ITGA2: variants seen among roughly 807,000 people sequenced by gnomAD.
ITGA2 encodes the protein integrin subunit alpha 2.
Under a neutral mutation model 146.3 loss-of-function variants are expected in ITGA2, and 101 were observed. The ratio of observed to expected loss-of-function variants is 0.69; its 90% CI spans 0.59 to 0.81. ITGA2 has a LOEUF of 0.81. ITGA2 is among the 40% of genes least tolerant of loss of function. The pLI is 0.00. For synonymous variants in ITGA2, 477 were observed against 487.1 expected (o/e 0.98, Z 0.27); for missense variants, 1,281 against 1,402.7 (o/e 0.91, Z 1.39).
At position 53,094,476 on chromosome 5, in the gene ITGA2, T is replaced by G. The variant is rs1740601415; in HGVS notation, c.*3877T>G. 1 of 152,204 alleles carries G rather than the reference T, an allele frequency of 6.6e-6. No individual in the cohort carries two copies. Among genetic ancestry groups the G allele is most frequent in the Non-Finnish European group, 1.5e-5 (1 of 68,024 alleles). The allele number at this position is 152,204 out of a possible 1,614,324, so 9.4% of individuals were successfully genotyped here. A position where few individuals can be genotyped will look rare whatever the true frequency, so the allele number is the denominator to read the frequency against. On this transcript the variant is annotated 3_prime_UTR_variant, in exon 30 of 30. Coordinates refer to ENST00000296585, the MANE Select transcript of ITGA2 (RefSeq NM_002203.4). Reference sequence around the variant, plus strand: ...AAAGAAATTGTCTTGGATATTTTCCTTTATACATAATAGATAAGTCTTTTT... The same window carrying G: ...AAAGAAATTGTCTTGGATATTTTCCGTTATACATAATAGATAAGTCTTTTT...
intron 1 of ITGA2, among the ~76,000 whole-genome samples, chr5:53,001,289 G>A (rs951602060): frequency 3.3e-5 from 5 of 152,156 alleles, no homozygotes; most frequent in African/African-American, 1.2e-4. Context: ...TATCTGAGGT[G>A]CGATTATTGC....
chr5:53,042,165 T>C lies in ITGA2; in HGVS notation c.239T>C (p.Val80Ala). 6.2e-7 allele frequency: 1 copy of C among 1,613,524 alleles called. No homozygotes were observed. Among genetic ancestry groups the C allele is most frequent in the Non-Finnish European group, 8.5e-7 (1 of 1,179,486 alleles). ...SGFPENRMGDVYKCPVDLSTA... is the reference protein window; with the variant it reads ...SGFPENRMGDAYKCPVDLSTA... Reference sequence around the variant, plus strand: ...TTTCCTGAGAACCGAATGGGAGATGTGTATAAATGTCCTGTTGACCTATCC... The same window carrying C: ...TTTCCTGAGAACCGAATGGGAGATGCGTATAAATGTCCTGTTGACCTATCC... The change falls in exon 3 of 30, where the codon GTG becomes GCG. Residue 80 changes from valine (V) to alanine (A), a missense_variant. Transcript: ENST00000296585.
At chr5:53,024,500 G>C (rs1212197054) in intron 1 of ITGA2, among the ~76,000 whole-genome samples, 1 of 152,048 alleles carries the variant, frequency 6.6e-6, no homozygotes, top group Non-Finnish European at 1.5e-5. Context: ...AAGAAACAAG[G>C]TTTGACTTCT....
chr5:52,997,512 G>T (rs2111675698), intron 1 of ITGA2, among the ~76,000 whole-genome samples: 1 of 152,330 alleles, frequency 6.6e-6, no homozygotes, highest in East Asian at 1.9e-4. Flanking sequence ...CAGTGCAAGA[G>T]ATTACTTCAT....
intron 19 of ITGA2, 65 bp from the exon 20 acceptor site, chr5:53,073,053 T>G (rs1745472173): frequency 1.9e-6 from 3 of 1,542,366 alleles, no homozygotes; most frequent in African/African-American, 2.7e-5. Context: ...TGAGTGAAAT[T>G]TTAAAATACT....
intron 2 of ITGA2, among the ~76,000 whole-genome samples, chr5:53,031,665 A>C (rs1743229691): frequency 6.6e-6 from 1 of 152,220 alleles, no homozygotes; most frequent in African/African-American, 2.4e-5. Flanking sequence ...CAGTGGTGAC[A>C]TGGCTTTGAT....
At chr5:53,030,769 A>G (rs1743186493) in intron 2 of ITGA2, among the ~76,000 whole-genome samples, 2 of 152,268 alleles carry the variant, frequency 1.3e-5, no homozygotes, top group Non-Finnish European at 1.5e-5. Flanking sequence ...TTTGAATAAT[A>G]TAGAAGACAT....
At chr5:53,061,141 G>A in intron 12 of ITGA2, 95 bp downstream of exon 12, 2 of 1,178,550 alleles carry the variant, frequency 1.7e-6, no homozygotes, top group South Asian at 1.2e-5. Context: ...CATGGCCTGA[G>A]TGCCTACTCT....
At chr5:53,081,287 A>G (rs1745904888) in intron 25 of ITGA2, among the ~76,000 whole-genome samples, 1 of 152,214 alleles carries the variant, frequency 6.6e-6, no homozygotes, top group African/African-American at 2.4e-5. Flanking sequence ...CAGAAAAATC[A>G]AAATCCTAAA....
At chr5:53,051,959 C>G (rs772218727) in intron 7 of ITGA2, among the ~76,000 whole-genome samples, 1 of 151,988 alleles carries the variant, frequency 6.6e-6, no homozygotes, top group Non-Finnish European at 1.5e-5. Flanking sequence ...CTTAAACATA[C>G]GAGTTTAAGT....
In ITGA2 at chr5:53,090,056, A is replaced by G. The variant is rs1335399761; in HGVS notation, c.3459A>G (p.Leu1153=). The part of the protein sequence containing the change: ...ILLLLALVAI[L]WKLGFFKRKY... ...TGCTGTTAGCTCTGGTTGCAATTTT[A>G]TGGAAGGTAAGAAAAGCTTTATATT... The change falls in exon 29 of 30, where the codon TTA becomes TTG. Residue 1153 remains leucine (L), a synonymous_variant. Coordinates refer to ENST00000296585, the MANE Select transcript of ITGA2 (RefSeq NM_002203.4). 4 of 1,582,028 alleles carry G rather than the reference A, an allele frequency of 2.5e-6. No homozygotes were observed. The African/African-American group carries it at 4.0e-5, about 16-fold the overall frequency.
chr5:53,079,056 C>G (rs985537994), intron 24 of ITGA2, among the ~76,000 whole-genome samples, 182 bp downstream of exon 24: 6 of 152,132 alleles, frequency 3.9e-5, no homozygotes, highest in African/African-American at 1.4e-4. Flanking sequence ...TTATCTCCAG[C>G]GTTTCTGATT....
In ITGA2 at chr5:53,093,308, A is replaced by T. The variant is rs1180232742; in HGVS notation, c.*2709A>T. The stretch of plus-strand genomic sequence containing the variant: ...GCCTTAGGTAATCAGCCTAGTTTAC[A>T]CTGTTTCCAGGGAGTAGTTGAATTA... On this transcript the variant is annotated 3_prime_UTR_variant, in exon 30 of 30. Coordinates refer to ENST00000296585, the MANE Select transcript of ITGA2 (RefSeq NM_002203.4). 3 of 152,164 alleles carry T rather than the reference A, an allele frequency of 2.0e-5. No homozygotes were observed. Among genetic ancestry groups the T allele is most frequent in the African/African-American group, 7.2e-5 (3 of 41,430 alleles). 9.4% of individuals were successfully genotyped at this position (152,164 alleles called of 1,614,324 possible).
chr5:53,061,095 C>G, intron 12 of ITGA2, 49 bp downstream of exon 12: 2 of 1,589,382 alleles, frequency 1.3e-6, no homozygotes, highest in Non-Finnish European at 1.7e-6. Context: ...GGCAACTGGG[C>G]AGGTGGGGAG....
rs1744971326 is a variant in ITGA2, at chr5:53,063,006, T to A, written c.1602+77T>A. The A allele has an allele frequency of 6.0e-6, 7 of 1,167,336 alleles. No individual in the cohort carries two copies. The South Asian group carries it at 9.3e-5, about 16-fold the overall frequency. The allele number at this position is 1,167,336 out of a possible 1,614,324, so 72.3% of individuals were successfully genotyped here. A position where few individuals can be genotyped will look rare whatever the true frequency, so the allele number is the denominator to read the frequency against. On this transcript the variant is annotated intron_variant, in intron 13 of 29. Transcript: ENST00000296585. Reference sequence around the variant, plus strand: ...TTAACTTGCATTTGGAAAGAAAAATTTATTATTATTGAATGATAATTTGCA... The same window carrying A: ...TTAACTTGCATTTGGAAAGAAAAATATATTATTATTGAATGATAATTTGCA...
intron 14 of ITGA2, among the ~76,000 whole-genome samples, chr5:53,065,519 A>G (rs1745104854): frequency 6.6e-6 from 1 of 151,920 alleles, no homozygotes; most frequent in Admixed American, 6.6e-5. Flanking sequence ...CCAATTTTGG[A>G]GTAAGACTGG....
intron 1 of ITGA2, among the ~76,000 whole-genome samples, chr5:52,994,208 G>T (rs151083150): frequency 6.6e-5 from 10 of 152,296 alleles, no homozygotes; most frequent in African/African-American, 2.4e-4. Context: ...TGGAATCAGA[G>T]AAAACTTAAA....
chr5:53,004,894 GTTTTT>G (rs548541753), intron 1 of ITGA2, among the ~76,000 whole-genome samples: 12 of 55,940 alleles, frequency 2.1e-4, no homozygotes, highest in Admixed American at 2.7e-4. Flanking sequence ...TAGTTGCTTT[GTTTTT>G]TTTTTTTTTT....
Position 53,073,386 on chromosome 5 carries a change from G to A in ITGA2, c.2571+127G>A, listed in dbSNP as rs1018358301. Reference sequence around the variant, plus strand: ...CAACATGATCAATCTGAACTTTGTGGCTTCCGACTAGTTAAACTGCATGAG... The same window carrying A: ...CAACATGATCAATCTGAACTTTGTGACTTCCGACTAGTTAAACTGCATGAG... On this transcript the variant is annotated intron_variant, in intron 20 of 29. Transcript: ENST00000296585. 1.4e-5 allele frequency: 14 copies of A among 1,023,670 alleles called. No homozygotes were observed. The African/African-American group carries it at 1.7e-4, about 13-fold the overall frequency. 63.4% of individuals were successfully genotyped at this position (1,023,670 alleles called of 1,614,324 possible).
Sources: gnomAD v4.1 joint callset for allele counts (sites outside exome capture counted in the v4.1 genomes callset) on GRCh38, gnomAD v4.1.1 for gene constraint, MANE v1.5 for transcripts, NCBI Gene and HGNC (gene_info 2026-07-23, HGNC 2026-07-21) for gene names.